The following GULP1 variants were observed in gnomAD, a reference collection of about 807,000 sequenced individuals.
GULP1 encodes the protein PTB domain-containing engulfment adapter protein 1.
A neutral mutation model predicts 40.9 loss-of-function variants in GULP1; 19 were observed. That is an observed-to-expected ratio of 0.46 (90% CI 0.32 to 0.68). GULP1 has a LOEUF of 0.68. Among genes scored for constraint, GULP1 ranks in the 30% least tolerant of loss-of-function variants. The pLI is 0.03. For missense variants in GULP1, 312 were observed against 362.2 expected (o/e 0.86, Z 1.12); for synonymous variants, 119 against 117.6 (o/e 1.01, Z -0.08).
intron 1 of GULP1, among the ~76,000 whole-genome samples, chr2:188,357,536 A>T (rs555448397): frequency 3.3e-4 from 50 of 152,288 alleles, no homozygotes; most frequent in African/African-American, 1.2e-3. Context: ...ATTATTAAAA[A>T]GACAAAAATA....
chr2:188,556,839 C>T (rs1005160231), intron 7 of GULP1, among the ~76,000 whole-genome samples: 12 of 152,010 alleles, frequency 7.9e-5, no homozygotes, highest in Admixed American at 3.9e-4. Context: ...ATCGAGACCA[C>T]GGTGAAACCC....
chr2:188,524,701 C>T (rs1278681706), intron 5 of GULP1, among the ~76,000 whole-genome samples: 3 of 149,974 alleles, frequency 2.0e-5, no homozygotes, highest in South Asian at 4.2e-4. Flanking sequence ...GCTACTGGCT[C>T]GCAATGGCCA....
chr2:188,399,420 T>C (rs1427048027), intron 2 of GULP1, among the ~76,000 whole-genome samples: 1 of 152,102 alleles, frequency 6.6e-6, no homozygotes, highest in African/African-American at 2.4e-5. Flanking sequence ...GATTAACAGT[T>C]CTCAAAAGAC....
At chr2:188,539,204 A>T (rs1009746967) in intron 6 of GULP1, among the ~76,000 whole-genome samples, 1 of 152,048 alleles carries the variant, frequency 6.6e-6, no homozygotes, top group South Asian at 2.1e-4. Flanking sequence ...TGTGTTTTGC[A>T]TGTTACTCAT....
intron 2 of GULP1, among the ~76,000 whole-genome samples, chr2:188,406,716 G>T (rs894392883): frequency 4.0e-5 from 6 of 151,874 alleles, no homozygotes; most frequent in African/African-American, 1.5e-4. Context: ...AATATTACAA[G>T]ACTTATGGGA....
chr2:188,385,288 A>C (rs1284784052), intron 2 of GULP1, among the ~76,000 whole-genome samples: 1 of 152,164 alleles, frequency 6.6e-6, no homozygotes, highest in Non-Finnish European at 1.5e-5. Flanking sequence ...GAAGCTGCCA[A>C]GACTTGGGGC....
chr2:188,580,393 A>C (rs974524179), intron 9 of GULP1, among the ~76,000 whole-genome samples: 1 of 151,822 alleles, frequency 6.6e-6, no homozygotes, highest in East Asian at 1.9e-4. Context: ...CTCTACTAAA[A>C]ATACAAAAAA....
chr2:188,567,818 C>G lies in GULP1; in HGVS notation c.400-1421C>G, dbSNP rs567553044. On this transcript the variant is annotated intron_variant, in intron 7 of 11. Coordinates refer to ENST00000409830, the MANE Select transcript of GULP1 (RefSeq NM_016315.4). ...TTTTTATTGTAAAATAAACAGAAAC[C>G]TATTACCCAAAGTTTTGAAATGAGA... Among the ~76,000 whole-genome samples, 31 of 152,152 alleles carry G rather than the reference C, an allele frequency of 2.0e-4. No individual in the cohort carries two copies. In the South Asian group the frequency reaches 5.2e-3, roughly 25 times the overall value.
At chr2:188,541,050 A>G in intron 6 of GULP1, 131 bp from the exon 7 acceptor site, 1 of 762,618 alleles carries the variant, frequency 1.3e-6, no homozygotes, top group Non-Finnish European at 2.1e-6. Flanking sequence ...TGGGGTGTAC[A>G]TAATTATAAA....
chr2:188,556,687 T>G (rs564216148), intron 7 of GULP1, among the ~76,000 whole-genome samples: 1 of 152,342 alleles, frequency 6.6e-6, no homozygotes, highest in African/African-American at 2.4e-5. Flanking sequence ...CACTTCTTCC[T>G]GTTTTTGAAT....
intron 11 of GULP1, chr2:188,588,801 A>G (rs1702932999): frequency 6.6e-6 from 1 of 152,052 alleles, no homozygotes; most frequent in Non-Finnish European, 1.5e-5. Flanking sequence ...CCTAGAAAAA[A>G]CAATTATGGG....
chr2:188,311,213 T>C (rs1248421595), intron 1 of GULP1, among the ~76,000 whole-genome samples: 1 of 152,214 alleles, frequency 6.6e-6, no homozygotes, highest in Admixed American at 6.5e-5. Flanking sequence ...TTTTTTTTTT[T>C]TGAGTCGGAG....
intron 1 of GULP1, among the ~76,000 whole-genome samples, chr2:188,345,390 A>G (rs2043504461): frequency 6.6e-6 from 1 of 152,190 alleles, no homozygotes; most frequent in East Asian, 1.9e-4. Context: ...GTTGCATTTC[A>G]CAGGAGACTA....
At chr2:188,566,658 TG>T (rs1433507250) in intron 7 of GULP1, among the ~76,000 whole-genome samples, 12 of 150,806 alleles carry the variant, frequency 8.0e-5, no homozygotes, top group Non-Finnish European at 1.6e-4. Context: ...TAGCTGGGTG[TG>T]GTGGTGCGTG....
At chr2:188,450,520 T>C (rs927281795) in intron 2 of GULP1, among the ~76,000 whole-genome samples, 2 of 152,152 alleles carry the variant, frequency 1.3e-5, no homozygotes, top group Non-Finnish European at 2.9e-5. Flanking sequence ...GTAGTGTTTT[T>C]CTAATCACTA....
chr2:188,344,037 G>A (rs538467266), intron 1 of GULP1, among the ~76,000 whole-genome samples: 40 of 152,192 alleles, frequency 2.6e-4, no homozygotes, highest in Non-Finnish European at 4.6e-4. Flanking sequence ...TCGAACTCCC[G>A]ACCTCAAGTG....
chr2:188,544,554 A>T (rs114506548), intron 7 of GULP1, among the ~76,000 whole-genome samples: 4,185 of 151,740 alleles, frequency 0.028, 120 homozygotes, highest in African/African-American at 0.062. Flanking sequence ...AATAATAATA[A>T]TACTAAAAGA....
intron 1 of GULP1, among the ~76,000 whole-genome samples, chr2:188,324,834 A>G (rs1326439114): frequency 6.6e-6 from 1 of 151,974 alleles, no homozygotes; most frequent in African/African-American, 2.4e-5. Context: ...ACAGAACCTA[A>G]GGAATTAGGA....
intron 2 of GULP1, among the ~76,000 whole-genome samples, chr2:188,442,145 G>A (rs1165688900): frequency 1.3e-5 from 2 of 152,040 alleles, no homozygotes; most frequent in African/African-American, 4.8e-5. Flanking sequence ...AACAATTGTT[G>A]GTGACATTTT....
Sources: allele counts gnomAD v4.1 joint callset (sites outside exome capture counted in the v4.1 genomes callset), GRCh38; gene constraint gnomAD v4.1.1; transcripts MANE v1.5; gene names NCBI Gene and HGNC (gene_info 2026-07-23, HGNC 2026-07-21).